Variants in FCHSD2 observed in about 807,000 individuals in gnomAD.
FCHSD2 encodes F-BAR and double SH3 domains protein 2.
FCHSD2 carries 38 observed loss-of-function variants against 108.1 expected under a neutral mutation model. The observed-to-expected ratio is 0.35, with a 90% CI of 0.27 to 0.46. The LOEUF is 0.46. Ranked by LOEUF, FCHSD2 falls within the 20% of genes least tolerant of loss-of-function variation. The pLI, the probability that FCHSD2 is intolerant of heterozygous loss-of-function variation, is 1.00. For missense variants in FCHSD2, 751 were observed against 897.8 expected, an observed-to-expected ratio of 0.84 and a Z score of 2.09; for synonymous variants, 279 against 314.7, an observed-to-expected ratio of 0.89 and a Z score of 1.20.
intron 8 of FCHSD2, among the ~76,000 whole-genome samples, chr11:72,943,360 G>A (rs532254077): frequency 2.0e-5 from 3 of 152,258 alleles, no homozygotes; most frequent in African/African-American, 7.2e-5. Flanking sequence ...TTCAACTATA[G>A]TTAGGATTAA....
Position 72,838,615 on chromosome 11 carries a change from G to A in FCHSD2, c.*176C>T. The A allele has an allele frequency of 6.8e-6, 4 of 588,490 alleles. No individual in the cohort carries two copies. The highest frequency in any genetic ancestry group is 5.6e-5 in the African/African-American group (3 of 53,334). 36.5% of individuals were successfully genotyped at this position (588,490 alleles called of 1,614,324 possible). A position where few individuals can be genotyped will look rare whatever the true frequency, so the allele number is the denominator to read the frequency against. On this transcript the variant is annotated 3_prime_UTR_variant, in exon 20 of 20. Transcript: ENST00000409418. ...ATAGAAAATGACAACAAAAAAAAAA[G>A]GCACGAAATATTCAAAACGTGGGAG...
At chr11:72,996,406 G>A (rs1055914493) in intron 5 of FCHSD2, among the ~76,000 whole-genome samples, 1 of 152,188 alleles carries the variant, frequency 6.6e-6, no homozygotes, top group Admixed American at 6.5e-5. Context: ...AGGATGGTAA[G>A]TAAACTCTAG....
intron 13 of FCHSD2, among the ~76,000 whole-genome samples, chr11:72,859,812 T>G (rs1000799810): frequency 6.6e-6 from 1 of 152,082 alleles, no homozygotes; most frequent in Admixed American, 6.6e-5. Flanking sequence ...TCCTCAGAAC[T>G]CACACAGGTC....
At chr11:72,885,367 T>C (rs1292303099) in intron 12 of FCHSD2, among the ~76,000 whole-genome samples, 1 of 152,218 alleles carries the variant, frequency 6.6e-6, no homozygotes, top group Non-Finnish European at 1.5e-5. Context: ...TTTTTGAGAA[T>C]GTAGACTTAA....
chr11:73,127,855 G>A (rs890473096), intron 2 of FCHSD2, among the ~76,000 whole-genome samples: 4 of 151,768 alleles, frequency 2.6e-5, no homozygotes, highest in East Asian at 1.9e-4. Flanking sequence ...GGGTTGGGGG[G>A]CGGGGGTGGG....
chr11:72,845,462 CAACAACA>C (rs1861106358), intron 14 of FCHSD2, among the ~76,000 whole-genome samples: 12 of 17,384 alleles, frequency 6.9e-4, no homozygotes, highest in Middle Eastern at 0.028. Context: ...AAAAAAAAAA[CAACAACA>C]AACAAACAAA....
intron 4 of FCHSD2, among the ~76,000 whole-genome samples, chr11:73,008,890 G>C (rs1355107763): frequency 2.0e-5 from 3 of 151,964 alleles, no homozygotes; most frequent in Non-Finnish European, 4.4e-5. Context: ...TTCCCAAGTT[G>C]AAAAGTTAAT....
chr11:72,856,811 G>T (rs1365241611), intron 13 of FCHSD2, among the ~76,000 whole-genome samples: 1 of 152,108 alleles, frequency 6.6e-6, no homozygotes, highest in African/African-American at 2.4e-5. Flanking sequence ...TTCCAACAGG[G>T]CATTGTGCCA....
intron 3 of FCHSD2, among the ~76,000 whole-genome samples, chr11:73,042,321 C>T (rs965386626): frequency 2.6e-5 from 4 of 152,196 alleles, no homozygotes; most frequent in African/African-American, 4.8e-5. Flanking sequence ...GGTATCCTTT[C>T]CCCAATATAA....
intron 3 of FCHSD2, among the ~76,000 whole-genome samples, chr11:73,082,335 CAAAAAAAAAAAA>C (rs750423401): frequency 1.7e-4 from 6 of 34,462 alleles, no homozygotes; most frequent in East Asian, 1.1e-3. Context: ...AGACTTGTCC[CAAAAAAAAAAAA>C]AAAAAAAAAA....
At chr11:72,915,832 A>C (rs192739088) in intron 9 of FCHSD2, among the ~76,000 whole-genome samples, 5 of 152,268 alleles carry the variant, frequency 3.3e-5, no homozygotes, top group Non-Finnish European at 1.5e-5. Flanking sequence ...ACAAAAAACA[A>C]AAAGAAAAGA....
intron 8 of FCHSD2, among the ~76,000 whole-genome samples, chr11:72,938,568 T>A (rs1031158711): frequency 5.3e-5 from 8 of 152,136 alleles, no homozygotes; most frequent in Non-Finnish European, 1.2e-4. Context: ...TTTTCCTGAC[T>A]GAATGAGGGG....
At chr11:73,135,045 G>A (rs1469487166) in intron 2 of FCHSD2, among the ~76,000 whole-genome samples, 1 of 152,232 alleles carries the variant, frequency 6.6e-6, no homozygotes, top group African/African-American at 2.4e-5. Flanking sequence ...GTAGAGACAG[G>A]GTTTCACCAT....
rs186891434 is a variant in FCHSD2, at chr11:73,057,991, T to C, written c.165+25704A>G. On this transcript the variant is annotated intron_variant, in intron 3 of 19. Coordinates refer to ENST00000409418, the MANE Select transcript of FCHSD2 (RefSeq NM_014824.3). ...GCCTCCCGGGTTCACGCCATCCTCC[T>C]GCCTCAGCTTCCCGAGTAGCTGGGA... 2.5e-3 allele frequency among the ~76,000 whole-genome samples: 374 copies of C among 152,014 alleles called. 1 individual carries two copies. Among genetic ancestry groups the C allele is most frequent in the Non-Finnish European group, 4.4e-3 (301 of 67,980 alleles).
At chr11:72,978,971 C>T (rs1185429289) in intron 8 of FCHSD2, among the ~76,000 whole-genome samples, 1 of 151,392 alleles carries the variant, frequency 6.6e-6, no homozygotes, top group African/African-American at 2.4e-5. Flanking sequence ...ATTCTCGTGC[C>T]TCAGCCTCCC....
rs773945981 is a variant in FCHSD2, at chr11:72,842,685, G to A, written c.1862C>T (p.Ser621Leu). The part of the protein sequence containing the change: ...EFNGRIGVFP[S>L]VLVEELSASE... ...GGCTGAAAGTTCTTCCACTAGCACC[G>A]ATGGGAAAACTCCAATACGCCCATT... Residue 621 changes from serine to leucine, a missense_variant, in exon 17 of 20, where the codon TCG becomes TTG. Transcript: ENST00000409418. 2 of 1,613,960 alleles carry A rather than the reference G, an allele frequency of 1.2e-6. No individual in the cohort carries two copies. Among genetic ancestry groups the A allele is most frequent in the East Asian group, 2.2e-5 (1 of 44,882 alleles).
intron 12 of FCHSD2, among the ~76,000 whole-genome samples, chr11:72,870,933 T>C (rs1382135206): frequency 6.7e-6 from 1 of 148,848 alleles, no homozygotes; most frequent in Non-Finnish European, 1.5e-5. Flanking sequence ...AATTCCCCCT[T>C]TGACTTGGCT....
chr11:73,031,815 C>T (rs1056300773), intron 3 of FCHSD2, among the ~76,000 whole-genome samples: 8 of 152,154 alleles, frequency 5.3e-5, no homozygotes, highest in African/African-American at 1.4e-4. Context: ...GCAGCCTTTT[C>T]GCCTGGAAAA....
intron 3 of FCHSD2, among the ~76,000 whole-genome samples, chr11:73,051,894 CA>C (rs1858908068): frequency 6.6e-6 from 1 of 151,108 alleles, no homozygotes; most frequent in African/African-American, 2.4e-5. Context: ...CACACACACA[CA>C]CACACACACA....
Sources: gnomAD v4.1 joint callset for allele counts (sites outside exome capture counted in the v4.1 genomes callset) on GRCh38, gnomAD v4.1.1 for gene constraint, MANE v1.5 for transcripts, NCBI Gene and HGNC (gene_info 2026-07-23, HGNC 2026-07-21) for gene names.